The following ADGRA1 variants were observed in gnomAD, a reference collection of about 807,000 sequenced individuals.
ADGRA1 encodes G-protein coupled receptor 123.
In ADGRA1, 12 loss-of-function variants were observed where a neutral mutation model predicts 21.3. The ratio of observed to expected loss-of-function variants is 0.56; its 90% confidence interval spans 0.36 to 0.91. The LOEUF is 0.91. ADGRA1 is among the 40% of genes least tolerant of loss of function. The probability of loss-of-function intolerance (pLI) is 0.01; values close to 1 mark genes in which losing one functional copy is unlikely to be tolerated. For synonymous variants in ADGRA1, 385 were observed against 368.8 expected, an observed-to-expected ratio of 1.04 and a Z score of -0.50; for missense variants, 790 against 805.6, an observed-to-expected ratio of 0.98 and a Z score of 0.23.
At chr10:133,101,577 C>G (rs368305071) in intron 4 of ADGRA1, among the ~76,000 whole-genome samples, 6 of 152,344 alleles carry the variant, frequency 3.9e-5, no homozygotes, top group African/African-American at 1.4e-4. Context: ...CCACCCTCCT[C>G]AGCGCCCCGG....
At position 133,128,555 on chromosome 10, in the gene ADGRA1, G is replaced by A. The variant is rs1022865446; in HGVS notation, c.727G>A (p.Ala243Thr). The A allele has an allele frequency of 2.2e-5, 34 of 1,557,630 alleles. No homozygotes were observed. The highest frequency in any genetic ancestry group is 2.7e-5 in the Non-Finnish European group (31 of 1,153,054). The part of the protein sequence containing the change: ...GTPPAHDAPG[A>T]SVLQNEHSFQ... ...CCCACCCGCACACGATGCCCCCGGCGCCTCCGTGCTGCAGAACGAGCACTC... is the reference window on the plus strand; with the variant it reads ...CCCACCCGCACACGATGCCCCCGGCACCTCCGTGCTGCAGAACGAGCACTC... Residue 243 changes from alanine to threonine, a missense_variant, in exon 7 of 7, where the codon GCC becomes ACC. Ala to Thr is a moderately conservative substitution (Grantham distance 58). This residue lies in a region of ADGRA1 where 382 missense variants were observed against 415.6 expected (regional missense o/e 0.92). Transcript: ENST00000392607.
chr10:133,112,732 ATTTGAGGTCTGCG>A (rs1852075044), intron 5 of ADGRA1, among the ~76,000 whole-genome samples: 4 of 143,150 alleles, frequency 2.8e-5, no homozygotes, highest in African/African-American at 5.2e-5. Context: ...CGCGTCGGTT[ATTTGAGGTCTGCG>A]GGCCGCGTCG....
At chr10:133,119,008 C>T (rs887347325) in intron 5 of ADGRA1, among the ~76,000 whole-genome samples, 2 of 150,564 alleles carry the variant, frequency 1.3e-5, no homozygotes, top group African/African-American at 2.5e-5. Context: ...TGCACACGTG[C>T]ACATTGAGGC....
At chr10:133,120,760 T>C (rs1478418074) in intron 5 of ADGRA1, among the ~76,000 whole-genome samples, 1 of 152,258 alleles carries the variant, frequency 6.6e-6, no homozygotes, top group African/African-American at 2.4e-5. Context: ...TTATCATTCA[T>C]GCGTTGCTGG....
intron 5 of ADGRA1, among the ~76,000 whole-genome samples, chr10:133,117,485 G>A (rs1385875775): frequency 2.0e-5 from 3 of 152,308 alleles, no homozygotes; most frequent in Admixed American, 2.0e-4. Context: ...GTGGACGTGG[G>A]CAGGGCAGAG....
chr10:133,116,117 G>T (rs1204746884), intron 5 of ADGRA1, among the ~76,000 whole-genome samples: 1 of 152,028 alleles, frequency 6.6e-6, no homozygotes, highest in African/African-American at 2.4e-5. Context: ...CGCTCTGCAG[G>T]GGCATTCCTC....
rs143889253 is a variant in ADGRA1, at chr10:133,094,502, G to A, written c.4-2472G>A. On this transcript the variant is annotated intron_variant, in intron 2 of 6. Coordinates refer to ENST00000392607, the MANE Select transcript of ADGRA1 (RefSeq NM_001083909.3). ...TCTGAGTCCTGCAGGAAGGCGCGGC[G>A]GCCACAGCAGCCCCAGGGAGGCCGT... Among the ~76,000 whole-genome samples the A allele has an allele frequency of 2.7e-4, 41 of 152,278 alleles. No individual in the cohort carries two copies. The East Asian group carries it at 6.8e-3, about 25-fold the overall frequency.
At chr10:133,116,950 G>A (rs1411957119) in intron 5 of ADGRA1, among the ~76,000 whole-genome samples, 2 of 152,144 alleles carry the variant, frequency 1.3e-5, no homozygotes, top group Admixed American at 1.3e-4. Context: ...GGTAAAGGGC[G>A]ATGGGGACGC....
In ADGRA1 at chr10:133,128,829, A is replaced by G; in HGVS notation, c.1001A>G (p.Asn334Ser). The change falls in exon 7 of 7, where the codon AAC becomes AGC. Residue 334 changes from asparagine (N) to serine (S), a missense_variant. Asn to Ser is a conservative substitution (Grantham distance 46). This residue lies in a region of ADGRA1 where 391 missense variants were observed against 351.5 expected (regional missense o/e 1.11). Transcript: ENST00000392607. ...GACGCCCACCCCGCACTTGACGCCA[A>G]CGGGGCCGCGCTGGGCCGCGCCGCC... ...RKDAHPALDA[N>S]GAALGRAACL... 6.2e-7 allele frequency: 1 copy of G among 1,601,310 alleles called. No homozygotes were observed. The highest frequency in any genetic ancestry group is 1.1e-5 in the South Asian group (1 of 90,220).
chr10:133,099,290 A>G (rs12571868), intron 4 of ADGRA1, among the ~76,000 whole-genome samples: 2 of 146,408 alleles, frequency 1.4e-5, no homozygotes, highest in African/African-American at 2.5e-5. Context: ...GACACAGCCC[A>G]CCCCTCCCGG....
intron 5 of ADGRA1, 77 bp downstream of exon 5, chr10:133,102,919 CCTT>C (rs1851823924): frequency 6.8e-7 from 1 of 1,479,134 alleles, no homozygotes. Context: ...TCTTGGCAAA[CCTT>C]CTCACCAGGC....
At chr10:133,112,296 A>G (rs547032238) in intron 5 of ADGRA1, among the ~76,000 whole-genome samples, 4 of 151,886 alleles carry the variant, frequency 2.6e-5, no homozygotes, top group African/African-American at 9.7e-5. Flanking sequence ...AAGCTGTGTC[A>G]GTTATTTGGG....
At chr10:133,111,882 GCCCACCACAGACA>G in intron 5 of ADGRA1, among the ~76,000 whole-genome samples, 5 of 121,392 alleles carry the variant, frequency 4.1e-5, no homozygotes, top group African/African-American at 6.2e-5. Flanking sequence ...CAGACCACCT[GCCCACCACAGACA>G]CCTCCCTCCT....
intron 5 of ADGRA1, among the ~76,000 whole-genome samples, chr10:133,110,969 A>C (rs1172044721): frequency 6.6e-6 from 1 of 152,144 alleles, no homozygotes; most frequent in African/African-American, 2.4e-5. Context: ...AGCCCACTGA[A>C]GGGTTGTTTC....
intron 5 of ADGRA1, among the ~76,000 whole-genome samples, chr10:133,122,737 A>T (rs1169836103): frequency 6.6e-6 from 1 of 151,566 alleles, no homozygotes; most frequent in Non-Finnish European, 1.5e-5. Flanking sequence ...GGCCGGCCCC[A>T]CCCCTGGCCG....
intron 5 of ADGRA1, among the ~76,000 whole-genome samples, chr10:133,106,742 C>T (rs1719745451): frequency 6.6e-6 from 1 of 152,242 alleles, no homozygotes; most frequent in African/African-American, 2.4e-5. Flanking sequence ...GAGTGTGCAG[C>T]ATGCTTCCTG....
At position 133,111,083 on chromosome 10, in the gene ADGRA1, G is replaced by A. The variant is rs144073860; in HGVS notation, c.401+8241G>A. 7.4e-3 allele frequency among the ~76,000 whole-genome samples: 1,126 copies of A among 151,526 alleles called. 17 individuals carry two copies. The highest frequency in any genetic ancestry group is 0.026 in the African/African-American group (1,058 of 41,232). On this transcript the variant is annotated intron_variant, in intron 5 of 6. Coordinates refer to ENST00000392607, the MANE Select transcript of ADGRA1 (RefSeq NM_001083909.3). ...CCCTCCTAATCCTGCCAAGCCACCT[G>A]CCTGCCATGGGCAGCTCCCCTCCTA...
At chr10:133,099,543 C>T (rs958384734) in intron 4 of ADGRA1, among the ~76,000 whole-genome samples, 1 of 152,166 alleles carries the variant, frequency 6.6e-6, no homozygotes, top group African/African-American at 2.4e-5. Context: ...GGGGCCCAGC[C>T]TGACCTTGGT....
chr10:133,111,870 T>A (rs61862110), intron 5 of ADGRA1, among the ~76,000 whole-genome samples: 5,728 of 18,646 alleles, frequency 0.31, 299 homozygotes, highest in Middle Eastern at 0.37. Flanking sequence ...TCCTAATCCC[T>A]CCAGACCACC....
Sources: allele counts gnomAD v4.1 joint callset (sites outside exome capture counted in the v4.1 genomes callset), GRCh38; gene constraint gnomAD v4.1.1; regional missense constraint gnomAD v4.1.1; transcripts MANE v1.5; gene names NCBI Gene and HGNC (gene_info 2026-07-23, HGNC 2026-07-21).